The following CHD7 variants were observed in gnomAD, a reference collection of about 807,000 sequenced individuals.
CHD7 encodes the protein chromodomain helicase DNA binding protein 7, also known as ATP-dependent chromatin remodeler CHD7.
In CHD7, 24 loss-of-function variants were observed where a neutral mutation model predicts 307.3. That is an observed-to-expected ratio of 0.08 (90% CI 0.06 to 0.11). CHD7 has a LOEUF of 0.11. Among genes scored for constraint, CHD7 ranks in the 10% least tolerant of loss-of-function variants. The pLI, the probability that CHD7 is intolerant of heterozygous loss-of-function variation, is 1.00. For synonymous variants in CHD7, 1,363 were observed against 1,349.9 expected (o/e 1.01, Z -0.21); for missense variants, 3,106 against 3,727.1 (o/e 0.83, Z 4.34).
At chr8:60,778,221 C>T (rs1226011374) in intron 2 of CHD7, among the ~76,000 whole-genome samples, 1 of 152,112 alleles carries the variant, frequency 6.6e-6, no homozygotes, top group African/African-American at 2.4e-5. Flanking sequence ...TTTACAAAAA[C>T]AGCTTTTCTC....
rs377330239 is a variant in CHD7, at chr8:60,821,880, G to A, written c.2788G>A (p.Glu930Lys). The change falls in exon 10 of 38, where the codon GAG becomes AAG. Residue 930 changes from glutamate to lysine, a missense_variant. Coordinates refer to ENST00000423902, the MANE Select transcript of CHD7 (RefSeq NM_017780.4). ...RRQDIDQAKI[E>K]EFEKLMSREP... Reference sequence around the variant, plus strand: ...GCAGGACATAGATCAAGCAAAGATCGAGGAGTTTGAGAAACTAATGTCCAG... The same window carrying A: ...GCAGGACATAGATCAAGCAAAGATCAAGGAGTTTGAGAAACTAATGTCCAG... The A allele has an allele frequency of 5.4e-5, 87 of 1,610,390 alleles. No individual in the cohort carries two copies. Among genetic ancestry groups the A allele is most frequent in the African/African-American group, 6.7e-5 (5 of 74,942 alleles).
chr8:60,714,091 G>A (rs993824823), intron 1 of CHD7, among the ~76,000 whole-genome samples: 27 of 151,424 alleles, frequency 1.8e-4, no homozygotes, highest in African/African-American at 5.6e-4. Flanking sequence ...AGGCCTCGGC[G>A]GGCGGGGTGG....
chr8:60,682,801 G>A (rs564375969), intron 1 of CHD7, among the ~76,000 whole-genome samples: 107 of 152,290 alleles, frequency 7.0e-4, no homozygotes, highest in African/African-American at 2.5e-3. Flanking sequence ...AGACACCATG[G>A]CCATCTTAGA....
rs571859776 is a variant in CHD7, at chr8:60,816,876, G to T, written c.2613+375G>T. 2.2e-3 allele frequency among the ~76,000 whole-genome samples: 335 copies of T among 152,348 alleles called. 2 individuals carry two copies. Among genetic ancestry groups the T allele is most frequent in the African/African-American group, 7.8e-3 (323 of 41,584 alleles). On this transcript the variant is annotated intron_variant, in intron 8 of 37. Coordinates refer to ENST00000423902, the MANE Select transcript of CHD7 (RefSeq NM_017780.4). ...TCTAAGATACAAAAGCTTGACTTCT[G>T]TTGGGGAAAGTATGTGGCAAATTTC...
At chr8:60,682,237 A>G (rs1458485683) in intron 1 of CHD7, among the ~76,000 whole-genome samples, 1 of 152,236 alleles carries the variant, frequency 6.6e-6, no homozygotes, top group African/African-American at 2.4e-5. Context: ...AACATTTCCT[A>G]AACTTTTTTC....
intron 2 of CHD7, among the ~76,000 whole-genome samples, chr8:60,767,854 T>G (rs1238603142): frequency 6.6e-6 from 1 of 152,258 alleles, no homozygotes; most frequent in Non-Finnish European, 1.5e-5. Context: ...ATAATTATTC[T>G]GTGCACGGTG....
chr8:60,825,521 G>T (rs954815506), intron 13 of CHD7: 1 of 152,216 alleles, frequency 6.6e-6, no homozygotes, highest in African/African-American at 2.4e-5. Context: ...GAGAAACTCT[G>T]TGTTTGTATT....
chr8:60,688,509 CAGG>C (rs1473237896), intron 1 of CHD7, among the ~76,000 whole-genome samples: 1 of 152,194 alleles, frequency 6.6e-6, no homozygotes, highest in Non-Finnish European at 1.5e-5. Flanking sequence ...CATTTTTCTT[CAGG>C]AGAAGACATT....
intron 21 of CHD7, among the ~76,000 whole-genome samples, chr8:60,843,535 C>A (rs933167439): frequency 6.6e-6 from 1 of 152,192 alleles, no homozygotes; most frequent in African/African-American, 2.4e-5. Context: ...TCCTCTCAGT[C>A]ACTAGGGGTG....
At chr8:60,697,919 A>G (rs1245710376) in intron 1 of CHD7, among the ~76,000 whole-genome samples, 1 of 152,246 alleles carries the variant, frequency 6.6e-6, no homozygotes, top group African/African-American at 2.4e-5. Context: ...TAGGTGTTTG[A>G]ACATGACCCT....
In CHD7 at chr8:60,867,844, A is replaced by G. The variant is rs893513793; in HGVS notation, c.*1911A>G. Reference sequence around the variant, plus strand: ...CATCGTCGTTGTCTGCTGAAAGTGAATGGGCCGTGCACACTGGAGGAAAGT... The same window carrying G: ...CATCGTCGTTGTCTGCTGAAAGTGAGTGGGCCGTGCACACTGGAGGAAAGT... On this transcript the variant is annotated 3_prime_UTR_variant, in exon 38 of 38. Transcript: ENST00000423902. 6.6e-6 allele frequency: 1 copy of G among 152,226 alleles called. No homozygotes were observed. Among genetic ancestry groups the G allele is most frequent in the Non-Finnish European group, 1.5e-5 (1 of 68,044 alleles). 9.4% of individuals were successfully genotyped at this position (152,226 alleles called of 1,614,324 possible).
At chr8:60,767,680 G>C (rs961673149) in intron 2 of CHD7, among the ~76,000 whole-genome samples, 3 of 152,198 alleles carry the variant, frequency 2.0e-5, no homozygotes, top group Non-Finnish European at 4.4e-5. Flanking sequence ...CTGCCCAGCA[G>C]CTCTGTGCGG....
intron 1 of CHD7, among the ~76,000 whole-genome samples, chr8:60,727,688 G>T (rs1016639097): frequency 6.6e-6 from 1 of 151,982 alleles, no homozygotes; most frequent in Admixed American, 6.6e-5. Flanking sequence ...ATGCTTTTGG[G>T]TTGACCTCAT....
Position 60,852,679 on chromosome 8 carries a change from T to C in CHD7, c.6076T>C (p.Cys2026Arg). The C allele has an allele frequency of 1.2e-6, 2 of 1,613,990 alleles. No homozygotes were observed. The highest frequency in any genetic ancestry group is 1.7e-6 in the Non-Finnish European group (2 of 1,179,888). ...SCFVAMCRRV[C>R]RMPVKPDDEP... ...TTTTGTGGCCATGTGTAGGCGAGTA[T>C]GTCGAATGCCCGTCAAGCCAGATGA... Residue 2026 changes from cysteine (C) to arginine (R), a missense_variant, in exon 30 of 38, where the codon TGT becomes CGT. Physicochemically the swap from Cys to Arg is radical, Grantham distance 180. Transcript: ENST00000423902.
chr8:60,835,904 C>T (rs1030650797), intron 15 of CHD7, among the ~76,000 whole-genome samples, 169 bp from the exon 16 acceptor site: 3 of 152,204 alleles, frequency 2.0e-5, no homozygotes, highest in Admixed American at 6.5e-5. Context: ...TTTGTACATC[C>T]ACAGTTTTGT....
At chr8:60,837,990 C>T (rs899278128) in intron 18 of CHD7, 86 bp from the exon 19 acceptor site, 13 of 1,290,022 alleles carry the variant, frequency 1.0e-5, no homozygotes, top group Non-Finnish European at 1.2e-5. Flanking sequence ...GGTTTACTCT[C>T]TTTGAGAAAA....
At chr8:60,685,311 G>T (rs78668150) in intron 1 of CHD7, among the ~76,000 whole-genome samples, 3,321 of 152,300 alleles carry the variant, frequency 0.022, 119 homozygotes, top group African/African-American at 0.075. Flanking sequence ...AGAGGGGAGG[G>T]AAGCCTTACT....
chr8:60,778,062 A>G (rs1228165188), intron 2 of CHD7, among the ~76,000 whole-genome samples: 1 of 129,266 alleles, frequency 7.7e-6, no homozygotes, highest in Non-Finnish European at 1.6e-5. Context: ...ATTAAATAGT[A>G]TTAGAGAAGA....
intron 1 of CHD7, among the ~76,000 whole-genome samples, chr8:60,685,257 G>T (rs1413624574): frequency 2.0e-5 from 3 of 152,224 alleles, no homozygotes; most frequent in African/African-American, 4.8e-5. Context: ...GATATTGGAC[G>T]TGGGGAGTTC....
Sources: allele counts gnomAD v4.1 joint callset (sites outside exome capture counted in the v4.1 genomes callset), GRCh38; gene constraint gnomAD v4.1.1; transcripts MANE v1.5; gene names NCBI Gene and HGNC (gene_info 2026-07-23, HGNC 2026-07-21).